CNTNAP2: variants seen among roughly 807,000 people sequenced by gnomAD.
The protein encoded by CNTNAP2 is contactin-associated protein-like 2.
Under a neutral mutation model 155.2 loss-of-function variants are expected in CNTNAP2, and 98 were observed. That is an observed-to-expected ratio of 0.63 (90% CI 0.54 to 0.75). The LOEUF (loss-of-function observed/expected upper bound fraction) is 0.75. Ranked by LOEUF, CNTNAP2 falls within the 30% of genes least tolerant of loss-of-function variation. The probability of loss-of-function intolerance (pLI) is 0.00; values close to 1 mark genes in which losing one functional copy is unlikely to be tolerated. For synonymous variants in CNTNAP2, 651 were observed against 631.2 expected, an observed-to-expected ratio of 1.03 and a Z score of -0.47; for missense variants, 1,727 against 1,688.1, an observed-to-expected ratio of 1.02 and a Z score of -0.40.
chr7:146,485,746 C>T (rs1044042587), intron 1 of CNTNAP2, among the ~76,000 whole-genome samples: 10 of 152,048 alleles, frequency 6.6e-5, no homozygotes, highest in African/African-American at 2.4e-4. Context: ...ACCTCACCCT[C>T]CTGCCATGGA....
chr7:146,487,180 A>G (rs909472323), intron 1 of CNTNAP2, among the ~76,000 whole-genome samples: 2 of 152,200 alleles, frequency 1.3e-5, no homozygotes, highest in Admixed American at 1.3e-4. Context: ...AGATAACAAA[A>G]ACGGATTATG....
intron 1 of CNTNAP2, among the ~76,000 whole-genome samples, chr7:146,723,166 A>G (rs901292829): frequency 2.7e-4 from 41 of 152,250 alleles, no homozygotes; most frequent in African/African-American, 8.9e-4. Context: ...GTGTCCTTAC[A>G]AGAACAGAAA....
intron 20 of CNTNAP2, among the ~76,000 whole-genome samples, chr7:148,230,211 C>G (rs1313908452): frequency 6.6e-6 from 1 of 152,232 alleles, no homozygotes; most frequent in East Asian, 1.9e-4. Context: ...TTCTCTCTCT[C>G]TCTGCAGAGC....
At position 147,903,018 on chromosome 7, in the gene CNTNAP2, A is replaced by G. The variant is rs528504722; in HGVS notation, c.2099-547A>G. On this transcript the variant is annotated intron_variant, in intron 13 of 23. Transcript: ENST00000361727. ...TTGTGGGACTGCTGGATCAAGTGGT[A>G]GTTCTACTTTTAGTTCTTTAAGGAA... is the stretch of plus-strand genomic sequence containing the variant. 3.7e-4 allele frequency among the ~76,000 whole-genome samples: 49 copies of G among 131,548 alleles called. No individual in the cohort carries two copies. The East Asian group carries it at 9.3e-3, about 25-fold the overall frequency. The allele number at this position is 131,548 out of a possible 152,430, so 86.3% of individuals were successfully genotyped here. A position where few individuals can be genotyped will look rare whatever the true frequency, so the allele number is the denominator to read the frequency against.
At chr7:146,142,925 A>G (rs1202362894) in intron 1 of CNTNAP2, among the ~76,000 whole-genome samples, 1 of 152,238 alleles carries the variant, frequency 6.6e-6, no homozygotes, top group African/African-American at 2.4e-5. Context: ...ATGTCTAGAA[A>G]GGCATCCAGT....
intron 4 of CNTNAP2, chr7:147,081,075 G>A (rs1393681407): frequency 6.6e-6 from 1 of 152,068 alleles, no homozygotes. Context: ...TCTAATGAAA[G>A]ATTGAACACA....
intron 9 of CNTNAP2, among the ~76,000 whole-genome samples, chr7:147,325,411 C>G (rs1481915017): frequency 1.3e-5 from 2 of 152,052 alleles, no homozygotes; most frequent in East Asian, 1.9e-4. Context: ...CCATGTCTGC[C>G]TCTGTGAAAC....
chr7:147,919,459 C>CTTTCTTTTTTTTGTTTTTTTTT (rs58537091), intron 14 of CNTNAP2, among the ~76,000 whole-genome samples: 1 of 51,240 alleles, frequency 2.0e-5, no homozygotes, highest in Non-Finnish European at 3.3e-5. Context: ...CTTTTTCTTT[C>CTTTCTTTTTTTTGTTTTTTTTT]TTTTTTTTTT....
chr7:148,151,231 G>A (rs1257968787), intron 17 of CNTNAP2, among the ~76,000 whole-genome samples: 1 of 152,064 alleles, frequency 6.6e-6, no homozygotes, highest in Non-Finnish European at 1.5e-5. Flanking sequence ...AGTATTAAAT[G>A]AGATATTCCA....
intron 10 of CNTNAP2, among the ~76,000 whole-genome samples, chr7:147,431,040 G>A (rs1309983012): frequency 7.2e-6 from 1 of 139,816 alleles, no homozygotes. Context: ...GACAGAGTGA[G>A]ACTCCATCTC....
chr7:147,077,510 C>T (rs1228600701), intron 4 of CNTNAP2, among the ~76,000 whole-genome samples: 1 of 152,124 alleles, frequency 6.6e-6, no homozygotes, highest in South Asian at 2.1e-4. Flanking sequence ...TTCCTGAAAC[C>T]TTATCTAATA....
At chr7:146,531,175 C>T (rs531452659) in intron 1 of CNTNAP2, among the ~76,000 whole-genome samples, 1 of 152,186 alleles carries the variant, frequency 6.6e-6, no homozygotes, top group East Asian at 1.9e-4. Context: ...ACATTGAGTA[C>T]ATATGAGCAC....
rs1800002609 is a variant in CNTNAP2 at position 148,416,755 on chromosome 7, G to T, written c.*1139G>T. 6.6e-6 allele frequency: 1 copy of T among 152,052 alleles called. No homozygotes were observed. The highest frequency in any genetic ancestry group is 1.5e-5 in the Non-Finnish European group (1 of 68,040). The allele number at this position is 152,052 out of a possible 1,614,324, so 9.4% of individuals were successfully genotyped here. ...ATATTTTAAATCAACTACTCCACGT[G>T]TTTTTCCATCCAATCACACTGCTGT... On this transcript the variant is annotated 3_prime_UTR_variant, in exon 24 of 24. Coordinates refer to ENST00000361727, the MANE Select transcript of CNTNAP2 (RefSeq NM_014141.6).
chr7:146,733,668 G>A (rs1801564864), intron 1 of CNTNAP2, among the ~76,000 whole-genome samples: 1 of 152,030 alleles, frequency 6.6e-6, no homozygotes, highest in Admixed American at 6.6e-5. Flanking sequence ...ATTGACTGAT[G>A]AGGATGTGCA....
chr7:147,591,385 C>T (rs1800731285), intron 12 of CNTNAP2, among the ~76,000 whole-genome samples: 3 of 152,142 alleles, frequency 2.0e-5, no homozygotes, highest in African/African-American at 7.2e-5. Context: ...CTTGTGAAGA[C>T]ATCAGTTGGA....
intron 13 of CNTNAP2, among the ~76,000 whole-genome samples, chr7:147,644,688 G>A (rs1038874596): frequency 3.9e-5 from 6 of 152,168 alleles, no homozygotes; most frequent in African/African-American, 1.4e-4. Context: ...AGTTCCCTTA[G>A]AGCCTACTTG....
In CNTNAP2 at chr7:147,223,153, C is replaced by G. The variant is rs535392076; in HGVS notation, c.1349-76988C>G. Among the ~76,000 whole-genome samples the G allele has an allele frequency of 2.6e-5, 4 of 152,286 alleles. No homozygotes were observed. The South Asian group carries it at 8.3e-4, about 32-fold the overall frequency. On this transcript the variant is annotated intron_variant, in intron 8 of 23. Transcript: ENST00000361727. ...CTCCTGGAGTTTTAACTCTCAGACT[C>G]CTTCATACTTAGCCTCTAGCAATTT...
chr7:148,096,416 G>T (rs1018454725), intron 15 of CNTNAP2, among the ~76,000 whole-genome samples: 2 of 151,768 alleles, frequency 1.3e-5, no homozygotes, highest in Non-Finnish European at 2.9e-5. Flanking sequence ...ATTTTGTGTT[G>T]ATACATGAAA....
At chr7:147,935,113 A>G (rs1042876901) in intron 14 of CNTNAP2, among the ~76,000 whole-genome samples, 11 of 151,928 alleles carry the variant, frequency 7.2e-5, no homozygotes, top group Non-Finnish European at 1.3e-4. Context: ...TTTAATTTAA[A>G]AGGTTTGAGT....
Sources: gnomAD v4.1 joint callset for allele counts (sites outside exome capture counted in the v4.1 genomes callset) on GRCh38, gnomAD v4.1.1 for gene constraint, MANE v1.5 for transcripts, NCBI Gene and HGNC (gene_info 2026-07-23, HGNC 2026-07-21) for gene names.